The following PLA2G4A variants were observed in gnomAD, a reference collection of about 807,000 sequenced individuals.
The protein encoded by PLA2G4A is phospholipase A2 group IVA.
A neutral mutation model predicts 81.9 loss-of-function variants in PLA2G4A; 40 were observed. The observed-to-expected ratio is 0.49, with a 90% CI of 0.38 to 0.64. The LOEUF is 0.64. Among genes scored for constraint, PLA2G4A ranks in the 30% least tolerant of loss-of-function variants. The pLI is 0.00. For synonymous variants in PLA2G4A, 302 were observed against 296.9 expected (o/e 1.02, Z -0.18); for missense variants, 715 against 905.1 (o/e 0.79, Z 2.69).
chr1:186,834,960 T>C (rs1425535219), intron 1 of PLA2G4A, among the ~76,000 whole-genome samples: 1 of 152,200 alleles, frequency 6.6e-6, no homozygotes, highest in African/African-American at 2.4e-5. Context: ...AATAATTCAG[T>C]AGCTTATGAT....
chr1:186,869,397 C>T (rs1483085048), intron 2 of PLA2G4A, among the ~76,000 whole-genome samples: 1 of 152,056 alleles, frequency 6.6e-6, no homozygotes, highest in Non-Finnish European at 1.5e-5. Context: ...AAGGTATGCT[C>T]ATTATTCATG....
chr1:186,858,958 A>T (rs534487682), intron 2 of PLA2G4A, among the ~76,000 whole-genome samples: 5 of 152,020 alleles, frequency 3.3e-5, no homozygotes, highest in African/African-American at 9.6e-5. Context: ...TTTAAAAAAA[A>T]TTTCCTGCTC....
chr1:186,887,604 CAT>C (rs141415777), intron 3 of PLA2G4A, among the ~76,000 whole-genome samples: 1,875 of 152,238 alleles, frequency 0.012, 35 homozygotes, highest in African/African-American at 0.042. Flanking sequence ...TGCTTCACCA[CAT>C]GTTTGGCTGA....
chr1:186,887,708 G>A (rs1024109226), intron 3 of PLA2G4A, among the ~76,000 whole-genome samples: 1 of 152,064 alleles, frequency 6.6e-6, no homozygotes, highest in Non-Finnish European at 1.5e-5. Context: ...ATAATGTACA[G>A]GAAAAAACAA....
At chr1:186,887,285 A>G (rs549459361) in intron 3 of PLA2G4A, among the ~76,000 whole-genome samples, 2 of 152,282 alleles carry the variant, frequency 1.3e-5, no homozygotes, top group South Asian at 4.1e-4. Flanking sequence ...AAATAGGCAA[A>G]TAGAGAATAT....
chr1:186,941,677 C>T (rs925438760), intron 10 of PLA2G4A, among the ~76,000 whole-genome samples: 3 of 152,074 alleles, frequency 2.0e-5, no homozygotes, highest in East Asian at 1.9e-4. Context: ...TAGTGATTAC[C>T]GTCTATATAG....
intron 3 of PLA2G4A, among the ~76,000 whole-genome samples, chr1:186,883,394 C>A (rs753269907): frequency 6.6e-6 from 1 of 152,064 alleles, no homozygotes; most frequent in Non-Finnish European, 1.5e-5. Flanking sequence ...GCCATTTAAA[C>A]CTTGAAGATA....
At chr1:186,935,057 G>A (rs566010516) in intron 8 of PLA2G4A, among the ~76,000 whole-genome samples, 32 of 151,850 alleles carry the variant, frequency 2.1e-4, no homozygotes, top group African/African-American at 7.2e-4. Flanking sequence ...AACCCTAATG[G>A]AGACTGCAAA....
At chr1:186,854,413 CT>C in intron 2 of PLA2G4A, 26 bp downstream of exon 2, 1 of 1,466,608 alleles carries the variant, frequency 6.8e-7, no homozygotes, top group Non-Finnish European at 9.6e-7. Context: ...TTTATGAATT[CT>C]TTCTTGGAGG....
chr1:186,930,125 G>C (rs1046480767), intron 7 of PLA2G4A, among the ~76,000 whole-genome samples: 1 of 152,036 alleles, frequency 6.6e-6, no homozygotes, highest in Non-Finnish European at 1.5e-5. Flanking sequence ...AACAAACGGA[G>C]TAATAGTATG....
intron 3 of PLA2G4A, among the ~76,000 whole-genome samples, chr1:186,871,153 G>A (rs183528525): frequency 9.9e-5 from 15 of 152,194 alleles, no homozygotes; most frequent in African/African-American, 3.4e-4. Context: ...GTATGGAATA[G>A]CCATAGAAAC....
intron 2 of PLA2G4A, among the ~76,000 whole-genome samples, chr1:186,867,377 T>G (rs1314864880): frequency 6.6e-6 from 1 of 152,198 alleles, no homozygotes; most frequent in East Asian, 1.9e-4. Flanking sequence ...TTGATTTATT[T>G]CATATGAATT....
At chr1:186,986,181 C>G (rs1032405979) in intron 17 of PLA2G4A, among the ~76,000 whole-genome samples, 1 of 152,122 alleles carries the variant, frequency 6.6e-6, no homozygotes, top group African/African-American at 2.4e-5. Context: ...CTAGGAACAC[C>G]AGCTGAGGTC....
chr1:186,879,455 T>C (rs77134691), intron 3 of PLA2G4A, among the ~76,000 whole-genome samples: 60 of 152,098 alleles, frequency 3.9e-4, no homozygotes, highest in Non-Finnish European at 7.9e-4. Context: ...GGTAACTTTA[T>C]GGAGTGTGTA....
rs1652424290 is a variant in PLA2G4A, at chr1:186,852,928, A to G, written c.-69-1358A>G. On this transcript the variant is annotated intron_variant, in intron 1 of 17. Transcript: ENST00000367466. ...TCATAGTTTGGCCTCATCTTTATTT[A>G]AAAAGTTGATTTAAAATGCTGTATA... 2.6e-5 allele frequency among the ~76,000 whole-genome samples: 4 copies of G among 152,034 alleles called. No homozygotes were observed. The Admixed American group carries it at 2.6e-4, about 10-fold the overall frequency.
intron 7 of PLA2G4A, among the ~76,000 whole-genome samples, chr1:186,929,780 G>A (rs1191239184): frequency 6.6e-6 from 1 of 152,172 alleles, no homozygotes; most frequent in Admixed American, 6.5e-5. Context: ...TGGGGTTATA[G>A]GCCCAGTGTG....
intron 3 of PLA2G4A, among the ~76,000 whole-genome samples, chr1:186,891,297 G>A (rs1198617586): frequency 6.6e-6 from 1 of 151,988 alleles, no homozygotes; most frequent in Non-Finnish European, 1.5e-5. Context: ...ATGATTTGTT[G>A]CAAATAATCC....
intron 14 of PLA2G4A, among the ~76,000 whole-genome samples, chr1:186,959,655 CT>C (rs1344507154): frequency 6.6e-6 from 1 of 152,070 alleles, no homozygotes; most frequent in Non-Finnish European, 1.5e-5. Flanking sequence ...TGAACTAGTG[CT>C]TTTTCAGAAA....
At chr1:186,875,893 C>T (rs377440104) in intron 3 of PLA2G4A, among the ~76,000 whole-genome samples, 2 of 152,112 alleles carry the variant, frequency 1.3e-5, no homozygotes, top group Admixed American at 6.6e-5. Flanking sequence ...TATGGCTGTT[C>T]TCCCAAAGGG....
Sources: allele counts gnomAD v4.1 joint callset (sites outside exome capture counted in the v4.1 genomes callset), GRCh38; gene constraint gnomAD v4.1.1; transcripts MANE v1.5; gene names NCBI Gene and HGNC (gene_info 2026-07-23, HGNC 2026-07-21).